The following APLP2 variants were observed in gnomAD, a reference collection of about 807,000 sequenced individuals.
The protein encoded by APLP2 is CDEI box-binding protein.
Under a neutral mutation model 89.9 loss-of-function variants are expected in APLP2, and 53 were observed. That is an observed-to-expected ratio of 0.59 (90% confidence interval 0.47 to 0.74). APLP2 has a LOEUF of 0.74. APLP2 is among the 30% of genes least tolerant of loss of function. The pLI, the probability that APLP2 is intolerant of heterozygous loss-of-function variation, is 0.00. For missense variants in APLP2, 973 were observed against 975.9 expected (o/e 1.00, Z 0.04); for synonymous variants, 372 against 348.6 (o/e 1.07, Z -0.75).
chr11:130,112,523 G>A (rs910415787), intron 3 of APLP2, among the ~76,000 whole-genome samples: 13 of 152,004 alleles, frequency 8.6e-5, no homozygotes, highest in East Asian at 3.9e-4. Context: ...TTAACTTTTC[G>A]GTACTTTTTT....
At chr11:130,103,478 A>G (rs888314197) in intron 1 of APLP2, among the ~76,000 whole-genome samples, 5 of 152,120 alleles carry the variant, frequency 3.3e-5, no homozygotes, top group African/African-American at 1.2e-4. Flanking sequence ...AACCTCTGGT[A>G]TTTTAAGATT....
Position 130,143,436 on chromosome 11 carries a change from G to C in APLP2, c.2244G>C (p.Gln748His). 4 of 1,613,906 alleles carry C rather than the reference G, an allele frequency of 2.5e-6. No homozygotes were observed. Among genetic ancestry groups the C allele is most frequent in the Non-Finnish European group, 3.4e-6 (4 of 1,179,920 alleles). The change falls in exon 17 of 17, where the codon CAG becomes CAC. Residue 748 changes from glutamine to histidine, a missense_variant. Transcript: ENST00000338167. ...YENPTYKYLEQMQI is the reference protein window; with the variant it reads ...YENPTYKYLEHMQI ...ACCCCACCTACAAATACCTGGAGCAGATGCAGATTTAGGTGGCAGGGAGCG... is the reference window on the plus strand; with the variant it reads ...ACCCCACCTACAAATACCTGGAGCACATGCAGATTTAGGTGGCAGGGAGCG...
At chr11:130,128,058 A>G (rs908546471) in intron 9 of APLP2, among the ~76,000 whole-genome samples, 5 of 152,272 alleles carry the variant, frequency 3.3e-5, no homozygotes, top group African/African-American at 4.8e-5. Context: ...AATTCATGCC[A>G]GAAGGTAACC....
rs114106502 is a variant in APLP2 at position 130,111,413 on chromosome 11, G to T, written c.403+752G>T. ...AAAAAATCAATTTTAGATTAGCCCT[G>T]ATGGGATTAAAGTAGATACAGCATT... On this transcript the variant is annotated intron_variant, in intron 3 of 16. Transcript: ENST00000338167. Among the ~76,000 whole-genome samples, 613 of 152,296 alleles carry T rather than the reference G, an allele frequency of 4.0e-3. 6 individuals are homozygous for T. The highest frequency in any genetic ancestry group is 0.014 in the African/African-American group (568 of 41,558).
At chr11:130,117,888 C>T (rs1455188365) in intron 3 of APLP2, among the ~76,000 whole-genome samples, 4 of 152,032 alleles carry the variant, frequency 2.6e-5, no homozygotes, top group African/African-American at 4.8e-5. Context: ...TCCTGGCTAA[C>T]ATGGTGAAAA....
chr11:130,126,812 C>G lies in APLP2; in HGVS notation c.1203C>G (p.His401Gln). The G allele has an allele frequency of 6.2e-7, 1 of 1,614,220 alleles. No homozygotes were observed. The highest frequency in any genetic ancestry group is 8.5e-7 in the Non-Finnish European group (1 of 1,180,036). Reference protein sequence around the residue: ...QKAKEQLEIRHRNRMDRVKKE... With the variant: ...QKAKEQLEIRQRNRMDRVKKE... The stretch of plus-strand genomic sequence containing the variant: ...CTAAGGAGCAGCTGGAGATTCGGCA[C>G]CGCAACCGAATGGACAGGGTAAACC... The change falls in exon 8 of 17, where the codon CAC (histidine) becomes CAG (glutamine). Residue 401 changes from histidine (H) to glutamine (Q), a missense_variant. Transcript: ENST00000338167.
At chr11:130,113,143 G>A (rs1024415282) in intron 3 of APLP2, among the ~76,000 whole-genome samples, 1 of 152,192 alleles carries the variant, frequency 6.6e-6, no homozygotes, top group Non-Finnish European at 1.5e-5. Flanking sequence ...CTTGCCAGCA[G>A]CGACCCTGTT....
At position 130,127,775 on chromosome 11, in the gene APLP2, G is replaced by A; in HGVS notation, c.1231G>A (p.Glu411Lys). The A allele has an allele frequency of 6.2e-7, 1 of 1,614,154 alleles. No individual in the cohort carries two copies. The highest frequency in any genetic ancestry group is 1.1e-5 in the South Asian group (1 of 91,076). ...TTGACCTTTGTTCTAGGTAAAGAAG[G>A]AATGGGAAGAGGCAGAGCTTCAAGC... ...HRNRMDRVKK[E>K]WEEAELQAKN... The change falls in exon 9 of 17, where the codon GAA (glutamate) becomes AAA (lysine). Residue 411 changes from glutamate to lysine, a missense_variant. Physicochemically the swap from Glu to Lys is moderately conservative, Grantham distance 56 (BLOSUM62 1). Coordinates refer to ENST00000338167, the MANE Select transcript of APLP2 (RefSeq NM_001142276.2).
intron 3 of APLP2, among the ~76,000 whole-genome samples, chr11:130,115,024 G>T (rs1431801416): frequency 6.6e-6 from 1 of 151,884 alleles, no homozygotes; most frequent in East Asian, 1.9e-4. Flanking sequence ...TTCCACTCTC[G>T]AGAGGTAGCG....
At chr11:130,070,797 C>G (rs768339038) in intron 1 of APLP2, 3 of 1,325,126 alleles carry the variant, frequency 2.3e-6, no homozygotes, top group Middle Eastern at 3.9e-4. Flanking sequence ...AAGGTGCCCG[C>G]GAAGGCGTGT....
chr11:130,091,709 CGGGCGGGGGGCT>C (rs1289336705), intron 1 of APLP2, among the ~76,000 whole-genome samples: 5 of 131,746 alleles, frequency 3.8e-5, no homozygotes, highest in East Asian at 2.6e-4. Context: ...GGCGGCTGGC[CGGGCGGGGGGCT>C]GACCCCCCCA....
intron 16 of APLP2, among the ~76,000 whole-genome samples, chr11:130,142,722 T>C (rs1833365515): frequency 6.6e-6 from 1 of 152,222 alleles, no homozygotes; most frequent in Admixed American, 6.5e-5. Context: ...CAGGTGATTC[T>C]TGTGCCTCAG....
intron 6 of APLP2, 145 bp downstream of exon 6, chr11:130,122,658 A>G: frequency 7.1e-7 from 1 of 1,408,658 alleles, no homozygotes. Flanking sequence ...TCTCCAGTGC[A>G]GTGATGGGAT....
Position 130,123,541 on chromosome 11 carries a change from A to G in APLP2, c.923-71A>G, listed in dbSNP as rs1380078. The G allele has an allele frequency of 0.14, 203,668 of 1,506,026 alleles. 28,382 individuals are homozygous for G. Among genetic ancestry groups the G allele is most frequent in the African/African-American group, 0.7 (50,793 of 72,274 alleles). The allele number at this position is 1,506,026 out of a possible 1,614,324, so 93.3% of individuals were successfully genotyped here. ...CCCCCAGCCCATCCCCCAGCTCGCC[A>G]GCCTGTAGCATTTTGAAGCATTTGA... On this transcript the variant is annotated intron_variant, in intron 6 of 16. Coordinates refer to ENST00000338167, the MANE Select transcript of APLP2 (RefSeq NM_001142276.2). This position sits in a 1 kb window ranked among gnomAD's most constrained non-coding sequence, Gnocchi z 4.0.
intron 2 of APLP2, 42 bp downstream of exon 2, chr11:130,109,644 G>A (rs1253249673): frequency 6.3e-7 from 1 of 1,576,228 alleles, no homozygotes; most frequent in South Asian, 1.2e-5. Context: ...ATTTTTCTGG[G>A]GCAGGGTTGA....
At chr11:130,110,488 GTGTC>G (rs776995287) in intron 2 of APLP2, 46 bp from the exon 3 acceptor site, 29 of 1,602,762 alleles carry the variant, frequency 1.8e-5, no homozygotes, top group Non-Finnish European at 2.3e-5. Flanking sequence ...TTGCAAGTGT[GTGTC>G]TGTCTGCAGA....
rs373359703 is a variant in APLP2 at position 130,121,650 on chromosome 11, G to T, written c.553G>T (p.Gly185Cys). The change falls in exon 5 of 17, where the codon GGC (glycine) becomes TGC (cysteine). Residue 185 changes from glycine (G) to cysteine (C), a missense_variant. Transcript: ENST00000338167. The part of the protein sequence containing the change: ...LTQGMTLYSY[G>C]MLLPCGVDQF... ...TCAGGGAATGACCTTATATAGCTAC[G>T]GCATGCTGCTCCCATGTGGGGTAGA... The T allele has an allele frequency of 6.8e-6, 11 of 1,613,894 alleles. 1 individual carries two copies. The Admixed American group carries it at 1.7e-4, about 24-fold the overall frequency.
intron 1 of APLP2, among the ~76,000 whole-genome samples, chr11:130,103,948 C>T (rs1242856609): frequency 6.6e-6 from 1 of 152,154 alleles, no homozygotes; most frequent in Non-Finnish European, 1.5e-5. Context: ...GTTTAGGAAG[C>T]ACATTCCTTC....
intron 13 of APLP2, chr11:130,137,387 C>G: frequency 8.8e-7 from 1 of 1,138,530 alleles, no homozygotes; most frequent in Non-Finnish European, 1.3e-6. Context: ...CATCACCTGG[C>G]TTTCCCCACC....
Sources: gnomAD v4.1 joint callset for allele counts (sites outside exome capture counted in the v4.1 genomes callset) on GRCh38, gnomAD v4.1.1 for gene constraint, Gnocchi (gnomAD v3.1) non-coding constraint, MANE v1.5 for transcripts, NCBI Gene and HGNC (gene_info 2026-07-23, HGNC 2026-07-21) for gene names.